Variants in VPS13D observed in about 807,000 individuals in gnomAD.
VPS13D encodes the protein intermembrane lipid transfer protein VPS13D.
A neutral mutation model predicts 461.9 loss-of-function variants in VPS13D; 187 were observed. That is an observed-to-expected ratio of 0.40 (90% CI 0.36 to 0.46). The LOEUF is 0.46. Among genes scored for constraint, VPS13D ranks in the 20% least tolerant of loss-of-function variants. The pLI is 0.60. For synonymous variants in VPS13D, 1,951 were observed against 1,986.3 expected, an observed-to-expected ratio of 0.98 and a Z score of 0.47; for missense variants, 4,711 against 5,364.9, an observed-to-expected ratio of 0.88 and a Z score of 3.81.
chr1:12,478,229 A>T (rs1645660066), intron 67 of VPS13D, among the ~76,000 whole-genome samples: 1 of 152,262 alleles, frequency 6.6e-6, no homozygotes, highest in Admixed American at 6.5e-5. Context: ...CCTCCGAAGC[A>T]CGGCTGGCTT....
chr1:12,282,785 T>C lies in VPS13D; in HGVS notation c.4683T>C (p.Tyr1561=), dbSNP rs1569795205. The C allele has an allele frequency of 1.2e-6, 2 of 1,614,096 alleles. No individual in the cohort carries two copies. Among genetic ancestry groups the C allele is most frequent in the Non-Finnish European group, 1.7e-6 (2 of 1,180,006 alleles). ...NLVYSEDLNK[Y]PASATSSPCP... is the part of the protein sequence containing the mutation. ...TGTACAGTGAAGATCTGAATAAGTA[T>C]CCAGCCAGTGCTACCTCCTCCCCTT... Residue 1561 remains tyrosine, a synonymous_variant, in exon 21 of 70, where the codon TAT becomes TAC. Transcript: ENST00000620676.
chr1:12,399,348 G>A (rs941984333), intron 60 of VPS13D, among the ~76,000 whole-genome samples: 1 of 151,240 alleles, frequency 6.6e-6, no homozygotes, highest in Non-Finnish European at 1.5e-5. Context: ...AGGGGCCCAC[G>A]ACCACGTCCA....
At chr1:12,434,646 T>C (rs745508823) in intron 65 of VPS13D, among the ~76,000 whole-genome samples, 1 of 152,106 alleles carries the variant, frequency 6.6e-6, no homozygotes, top group Non-Finnish European at 1.5e-5. Context: ...CTCAGGTATG[T>C]TTAAATCTGT....
At chr1:12,317,403 G>C (rs1342819248) in intron 30 of VPS13D, among the ~76,000 whole-genome samples, 1 of 152,078 alleles carries the variant, frequency 6.6e-6, no homozygotes, top group Non-Finnish European at 1.5e-5. Flanking sequence ...TTCAAAGCCT[G>C]TGCTCTTTAT....
chr1:12,386,438 TA>T, intron 60 of VPS13D, 104 bp downstream of exon 60: 1 of 1,312,846 alleles, frequency 7.6e-7, no homozygotes, highest in Non-Finnish European at 1.0e-6. Flanking sequence ...TTGGAGGAAA[TA>T]TCTTGTGGCC....
chr1:12,416,016 A>G (rs148638845), intron 64 of VPS13D, among the ~76,000 whole-genome samples: 1 of 152,276 alleles, frequency 6.6e-6, no homozygotes, highest in African/African-American at 2.4e-5. Flanking sequence ...CCCCATCTCT[A>G]CAAAATATAG....
In VPS13D at chr1:12,299,167, A is replaced by G. The variant is rs186461239; in HGVS notation, c.6034-35A>G. The G allele has an allele frequency of 1.3e-5, 20 of 1,529,136 alleles. No homozygotes were observed. The East Asian group carries it at 3.3e-4, about 25-fold the overall frequency. 94.7% of individuals were successfully genotyped at this position (1,529,136 alleles called of 1,614,324 possible). ...ATTTGGTGGTAAAATTAGGGAATTA[A>G]TTATCCTCTGAGTCAGTTTTCCTTC... On this transcript the variant is annotated intron_variant, in intron 24 of 69. Transcript: ENST00000620676. This position sits in a 1 kb window ranked among gnomAD's most constrained non-coding sequence, Gnocchi z 4.2.
chr1:12,352,398 A>G (rs1643815526), intron 46 of VPS13D, among the ~76,000 whole-genome samples: 1 of 152,206 alleles, frequency 6.6e-6, no homozygotes, highest in Non-Finnish European at 1.5e-5. Flanking sequence ...ATCAACAATA[A>G]AAAGATAATA....
intron 63 of VPS13D, among the ~76,000 whole-genome samples, chr1:12,405,990 G>A (rs907743781): frequency 3.3e-5 from 5 of 152,162 alleles, no homozygotes; most frequent in Admixed American, 1.3e-4. Context: ...TTGTGTGTGC[G>A]CTCGGCATAC....
intron 44 of VPS13D, 92 bp from the exon 45 acceptor site, chr1:12,348,731 A>C: frequency 6.8e-7 from 1 of 1,466,050 alleles, no homozygotes; most frequent in Non-Finnish European, 9.3e-7. Flanking sequence ...TAGTAATAAG[A>C]CACTTTTAAG....
intron 21 of VPS13D, among the ~76,000 whole-genome samples, chr1:12,286,059 T>TCCTTC (rs1641968719): frequency 2.0e-5 from 3 of 148,274 alleles, no homozygotes; most frequent in Admixed American, 6.8e-5. Context: ...TCCTTTCCTT[T>TCCTTC]CCTTCCCTTT....
chr1:12,260,179 C>T (rs978560952), intron 10 of VPS13D, among the ~76,000 whole-genome samples: 3 of 152,000 alleles, frequency 2.0e-5, no homozygotes, highest in African/African-American at 7.3e-5. Flanking sequence ...GCGCCTGCCA[C>T]CACGCCTGGC....
At chr1:12,379,639 G>T in intron 57 of VPS13D, 43 bp downstream of exon 57, 6 of 1,491,768 alleles carry the variant, frequency 4.0e-6, no homozygotes, top group Non-Finnish European at 5.6e-6. Context: ...CAGTGGTTGA[G>T]CCTTCTTTGA....
At position 12,348,757 on chromosome 1, in the gene VPS13D, G is replaced by A. The variant is rs529371969; in HGVS notation, c.9070-66G>A. The A allele has an allele frequency of 6.4e-6, 10 of 1,569,982 alleles. No individual in the cohort carries two copies. In the East Asian group the frequency reaches 1.1e-4, roughly 18 times the overall value. ...CACTTTTAAGGTAGACATTCTGATC[G>A]ATATTATTGTATTTTATATGTTTTT... On this transcript the variant is annotated intron_variant, in intron 44 of 69. Transcript: ENST00000620676.
In VPS13D at chr1:12,415,150, C is replaced by G; in HGVS notation, c.12094C>G (p.Pro4032Ala). The stretch of plus-strand genomic sequence containing the variant: ...TGAAGACGCTGTGATTAATCTAGAT[C>G]CATTCACTCGGGTACATCCCTATGA... ...RFEDAVINLD[P>A]FTRVHPYETK... The change falls in exon 64 of 70, where the codon CCA (proline) becomes GCA (alanine). Residue 4032 changes from proline (P) to alanine (A), a missense_variant. Pro to Ala is a conservative substitution (Grantham distance 27). This residue lies in a region of VPS13D where 4,411 missense variants were observed against 4,937.8 expected (regional missense o/e 0.89). Coordinates refer to ENST00000620676, the MANE Select transcript of VPS13D (RefSeq NM_015378.4). 1.2e-6 allele frequency: 2 copies of G among 1,614,066 alleles called. No homozygotes were observed. The highest frequency in any genetic ancestry group is 1.7e-6 in the Non-Finnish European group (2 of 1,179,978).
At chr1:12,383,365 T>A (rs530724978) in intron 58 of VPS13D, among the ~76,000 whole-genome samples, 10 of 152,210 alleles carry the variant, frequency 6.6e-5, no homozygotes, top group Non-Finnish European at 1.3e-4. Context: ...AAACAAAGTA[T>A]CAATGAAATA....
chr1:12,457,422 C>T (rs1361701421), intron 66 of VPS13D, among the ~76,000 whole-genome samples: 1 of 152,200 alleles, frequency 6.6e-6, no homozygotes, highest in African/African-American at 2.4e-5. Flanking sequence ...GTGTATGTCA[C>T]CAGCTGTGTA....
intron 54 of VPS13D, among the ~76,000 whole-genome samples, chr1:12,371,225 C>T (rs1288523037): frequency 1.3e-5 from 2 of 152,076 alleles, no homozygotes; most frequent in Non-Finnish European, 2.9e-5. Flanking sequence ...CTCCCTGTCT[C>T]CAGCCGCAGG....
At chr1:12,284,912 A>G (rs1422544925) in intron 21 of VPS13D, among the ~76,000 whole-genome samples, 1 of 152,206 alleles carries the variant, frequency 6.6e-6, no homozygotes, top group African/African-American at 2.4e-5. Context: ...AGCAAGGTGG[A>G]TGGAACCTGG....
Sources: gnomAD v4.1 joint callset for allele counts (sites outside exome capture counted in the v4.1 genomes callset) on GRCh38, gnomAD v4.1.1 for gene constraint, gnomAD v4.1.1 regional missense constraint, Gnocchi (gnomAD v3.1) non-coding constraint, MANE v1.5 for transcripts, NCBI Gene and HGNC (gene_info 2026-07-23, HGNC 2026-07-21) for gene names.